CEP70: variants seen among roughly 807,000 people sequenced by gnomAD.
The protein encoded by CEP70 is centrosomal protein of 70 kDa.
A neutral mutation model predicts 90.9 loss-of-function variants in CEP70; 70 were observed. The observed-to-expected ratio is 0.77, with a 90% CI of 0.64 to 0.94. The LOEUF (loss-of-function observed/expected upper bound fraction) is 0.94. Ranked by LOEUF, CEP70 falls within the 40% of genes least tolerant of loss-of-function variation. The pLI is 0.00. For missense variants in CEP70, 648 were observed against 669.0 expected (o/e 0.97, Z 0.35); for synonymous variants, 220 against 228.3 (o/e 0.96, Z 0.33).
intron 6 of CEP70, among the ~76,000 whole-genome samples, chr3:138,540,333 AAAAGT>A (rs756410796): frequency 3.5e-4 from 53 of 152,146 alleles, no homozygotes; most frequent in Non-Finnish European, 5.4e-4. Context: ...ACTCTCTACT[AAAAGT>A]AAATTATTCA....
chr3:138,515,467 C>CAAAAAAAAAAAA (rs145902706), intron 11 of CEP70, among the ~76,000 whole-genome samples: 13 of 65,328 alleles, frequency 2.0e-4, no homozygotes, highest in Middle Eastern at 0.011. Flanking sequence ...CATAGAAATG[C>CAAAAAAAAAAAA]AAAAAAAAAA....
At chr3:138,502,653 C>T (rs1345420039) in intron 13 of CEP70, among the ~76,000 whole-genome samples, 1 of 151,886 alleles carries the variant, frequency 6.6e-6, no homozygotes, top group Admixed American at 6.6e-5. Context: ...CAATCTAATA[C>T]ATTTTTGCTT....
intron 7 of CEP70, among the ~76,000 whole-genome samples, chr3:138,535,189 C>T (rs921410162): frequency 3.3e-5 from 5 of 152,150 alleles, no homozygotes; most frequent in South Asian, 2.1e-4. Context: ...GGACTCTTGA[C>T]GTCCCAAACA....
At chr3:138,560,994 T>C (rs998682812) in intron 6 of CEP70, among the ~76,000 whole-genome samples, 24 of 152,080 alleles carry the variant, frequency 1.6e-4, no homozygotes, top group African/African-American at 5.8e-4. Context: ...GAGCAGCAGA[T>C]CTCCTAGCAC....
At chr3:138,543,932 T>C (rs2038962866) in intron 6 of CEP70, among the ~76,000 whole-genome samples, 2 of 151,616 alleles carry the variant, frequency 1.3e-5, no homozygotes, top group Non-Finnish European at 2.9e-5. Flanking sequence ...AGTAAAAGTG[T>C]AGAATGTTTT....
chr3:138,499,880 T>A, intron 16 of CEP70: 1 of 432,714 alleles, frequency 2.3e-6, no homozygotes, highest in Non-Finnish European at 4.2e-6. Context: ...ACAGGGAAGG[T>A]AAATAAGTTT....
chr3:138,574,442 C>T (rs954599301), intron 2 of CEP70, among the ~76,000 whole-genome samples: 5 of 152,200 alleles, frequency 3.3e-5, no homozygotes, highest in Non-Finnish European at 5.9e-5. Flanking sequence ...GGCAGGAAAG[C>T]TTGAACTGGG....
Position 138,495,984 on chromosome 3 carries a change from C to A in CEP70, c.1733-908G>T, listed in dbSNP as rs77652026. On this transcript the variant is annotated intron_variant, in intron 17 of 17. Coordinates refer to ENST00000264982, the MANE Select transcript of CEP70 (RefSeq NM_024491.4). ...CCAATCCAGGCTCTTTTTTGACAGGCTCTTTCTGAATTTGATTTTTCTTCC... is the reference window on the plus strand; with the variant it reads ...CCAATCCAGGCTCTTTTTTGACAGGATCTTTCTGAATTTGATTTTTCTTCC... The A allele has an allele frequency of 8.8e-4, 870 of 985,386 alleles. 3 individuals carry two copies. In the African/African-American group the frequency reaches 0.014, roughly 16 times the overall value. The allele number at this position is 985,386 out of a possible 1,614,324, so 61.0% of individuals were successfully genotyped here. A position where few individuals can be genotyped will look rare whatever the true frequency, so the allele number is the denominator to read the frequency against.
At chr3:138,584,461 C>CAAAAAAAAAAAAAAAAAAAA (rs35985463) in intron 2 of CEP70, among the ~76,000 whole-genome samples, 1 of 92,176 alleles carries the variant, frequency 1.1e-5, no homozygotes, top group Non-Finnish European at 2.1e-5. Flanking sequence ...AAAGACATAT[C>CAAAAAAAAAAAAAAAAAAAA]AAAAAAAAAA....
intron 6 of CEP70, among the ~76,000 whole-genome samples, chr3:138,548,676 T>C (rs1309210927): frequency 6.6e-6 from 1 of 152,070 alleles, no homozygotes; most frequent in East Asian, 1.9e-4. Flanking sequence ...ACATGGAAAT[T>C]CTAGGGGAAA....
chr3:138,537,380 T>TA, intron 6 of CEP70, 33 bp from the exon 7 acceptor site: 2 of 1,405,870 alleles, frequency 1.4e-6, no homozygotes, highest in Non-Finnish European at 1.9e-6. Context: ...ATGATTATGA[T>TA]ATGTACATCT....
chr3:138,587,005 TAAAAA>T (rs1263239929), intron 2 of CEP70, among the ~76,000 whole-genome samples: 1 of 151,776 alleles, frequency 6.6e-6, no homozygotes, highest in Non-Finnish European at 1.5e-5. Context: ...AAGTTCATAT[TAAAAA>T]AAATCTCTAC....
chr3:138,518,483 A>C (rs2036277388), intron 11 of CEP70, among the ~76,000 whole-genome samples: 1 of 152,142 alleles, frequency 6.6e-6, no homozygotes, highest in African/African-American at 2.4e-5. Flanking sequence ...CTGAGACAAA[A>C]CTTCCAGAAG....
At chr3:138,541,488 C>G (rs1198667504) in intron 6 of CEP70, among the ~76,000 whole-genome samples, 1 of 150,832 alleles carries the variant, frequency 6.6e-6, no homozygotes, top group African/African-American at 2.4e-5. Flanking sequence ...CTTTGAAATA[C>G]AAAGGAGATA....
intron 6 of CEP70, among the ~76,000 whole-genome samples, chr3:138,550,815 C>G (rs1303134486): frequency 6.6e-6 from 1 of 152,174 alleles, no homozygotes; most frequent in Non-Finnish European, 1.5e-5. Flanking sequence ...CCCAATCCAA[C>G]AATGACAAAG....
Position 138,583,349 on chromosome 3 carries a change from T to A in CEP70, c.-6+8505A>T, listed in dbSNP as rs6782585. On this transcript the variant is annotated intron_variant, in intron 2 of 17. Coordinates refer to ENST00000264982, the MANE Select transcript of CEP70 (RefSeq NM_024491.4). ...TAGAGCTCGAGAGATAAATCTCAATTCAATAATAGTTGAAGACTTCAACAC... is the reference window on the plus strand; with the variant it reads ...TAGAGCTCGAGAGATAAATCTCAATACAATAATAGTTGAAGACTTCAACAC... Among the ~76,000 whole-genome samples the A allele has an allele frequency of 5.6e-3, 858 of 152,290 alleles. 7 individuals carry two copies. Among genetic ancestry groups the A allele is most frequent in the African/African-American group, 0.02 (826 of 41,548 alleles).
chr3:138,494,969 A>C lies in CEP70; in HGVS notation c.*46T>G, dbSNP rs749139725. 3 of 1,051,362 alleles carry C rather than the reference A, an allele frequency of 2.9e-6. No individual in the cohort carries two copies. Among genetic ancestry groups the C allele is most frequent in the Non-Finnish European group, 2.9e-6 (2 of 690,514 alleles). The allele number at this position is 1,051,362 out of a possible 1,614,324, so 65.1% of individuals were successfully genotyped here. A position where few individuals can be genotyped will look rare whatever the true frequency, so the allele number is the denominator to read the frequency against. On this transcript the variant is annotated 3_prime_UTR_variant, in exon 18 of 18. Coordinates refer to ENST00000264982, the MANE Select transcript of CEP70 (RefSeq NM_024491.4). ...ATAAGATCAATCCTACAAAATACAAAATGTTAAGAATACAATTTACACAGT... is the reference window on the plus strand; with the variant it reads ...ATAAGATCAATCCTACAAAATACAACATGTTAAGAATACAATTTACACAGT...
At chr3:138,556,674 C>A (rs1357520172) in intron 6 of CEP70, among the ~76,000 whole-genome samples, 1 of 151,796 alleles carries the variant, frequency 6.6e-6, no homozygotes, top group Non-Finnish European at 1.5e-5. Flanking sequence ...GCTGGGCGTC[C>A]GGGGGAGACA....
intron 6 of CEP70, among the ~76,000 whole-genome samples, chr3:138,567,451 T>C (rs1292430955): frequency 1.3e-5 from 2 of 152,362 alleles, no homozygotes; most frequent in Non-Finnish European, 1.5e-5. Context: ...TATTCTGAGT[T>C]GAAGGCAACT....
Sources: allele counts gnomAD v4.1 joint callset (sites outside exome capture counted in the v4.1 genomes callset), GRCh38; gene constraint gnomAD v4.1.1; transcripts MANE v1.5; gene names NCBI Gene and HGNC (gene_info 2026-07-23, HGNC 2026-07-21).